The following COL13A1 variants were observed in gnomAD, a reference collection of about 807,000 sequenced individuals.
COL13A1 encodes collagen alpha-1(XIII) chain.
COL13A1 carries 89 observed loss-of-function variants against 130.9 expected under a neutral mutation model. That is an observed-to-expected ratio of 0.68 (90% CI 0.57 to 0.81). The LOEUF is 0.81. Ranked by LOEUF, COL13A1 falls within the 30% of genes least tolerant of loss-of-function variation. The pLI is 0.00. For synonymous variants in COL13A1, 402 were observed against 341.6 expected, an observed-to-expected ratio of 1.18 and a Z score of -1.95; for missense variants, 879 against 934.6, an observed-to-expected ratio of 0.94 and a Z score of 0.78.
rs528307100 is a variant in COL13A1, at chr10:69,802,561, G to T, written c.138G>T (p.Gly46=). Residue 46 remains glycine (G), a synonymous_variant, in exon 1 of 41, where the codon GGG becomes GGT. Coordinates refer to ENST00000645393, the MANE Select transcript of COL13A1 (RefSeq NM_001368882.1). ...GGCTGCCGAGTCCAGGGTCGTGCGG[G>T]CTGCTGACGCTGGCCCTCTGCTCGC... ...GARLPSPGSC[G]LLTLALCSLA... 1.2e-6 allele frequency: 2 copies of T among 1,609,648 alleles called. No homozygotes were observed. Among genetic ancestry groups the T allele is most frequent in the Non-Finnish European group, 1.7e-6 (2 of 1,178,174 alleles).
intron 14 of COL13A1, among the ~76,000 whole-genome samples, chr10:69,902,177 T>C (rs1290421814): frequency 6.6e-6 from 1 of 152,226 alleles, no homozygotes; most frequent in Non-Finnish European, 1.5e-5. Context: ...TCAAATTTTA[T>C]ATGTAAAGTC....
chr10:69,900,231 G>A (rs535915253), intron 14 of COL13A1, among the ~76,000 whole-genome samples: 23 of 152,246 alleles, frequency 1.5e-4, no homozygotes, highest in Admixed American at 1.1e-3. Context: ...CCCCAACAGC[G>A]ACCTCCCAGC....
rs376959123 is a variant in COL13A1 at position 69,885,071 on chromosome 10, T to C, written c.514-2385T>C. 5.3e-5 allele frequency among the ~76,000 whole-genome samples: 8 copies of C among 152,326 alleles called. No homozygotes were observed. In the South Asian group the frequency reaches 1.7e-3, roughly 32 times the overall value. On this transcript the variant is annotated intron_variant, in intron 7 of 40. Transcript: ENST00000645393. ...GAATAAATTCCAACGAGCGAAATAC[T>C]TAGATATAAAACCTGAAACTGTAAA...
intron 17 of COL13A1, among the ~76,000 whole-genome samples, chr10:69,915,721 G>A (rs987562074): frequency 6.6e-6 from 1 of 152,244 alleles, no homozygotes; most frequent in African/African-American, 2.4e-5. Flanking sequence ...GCAGGAGTCA[G>A]TGTGCGAGGG....
At chr10:69,952,734 C>A in intron 38 of COL13A1, 148 bp from the exon 39 acceptor site, 1 of 577,434 alleles carries the variant, frequency 1.7e-6, no homozygotes, top group Non-Finnish European at 2.8e-6. Context: ...TGGGTATTGA[C>A]TCCAAATCCT....
intron 2 of COL13A1, among the ~76,000 whole-genome samples, chr10:69,827,922 TG>T (rs1847892374): frequency 6.6e-6 from 1 of 152,198 alleles, no homozygotes; most frequent in African/African-American, 2.4e-5. Flanking sequence ...CGCTTCTTTG[TG>T]GTCCTTCTTA....
chr10:69,843,781 T>C (rs1033772686), intron 2 of COL13A1, among the ~76,000 whole-genome samples: 1 of 152,194 alleles, frequency 6.6e-6, no homozygotes, highest in African/African-American at 2.4e-5. Context: ...TGAAGTCCAT[T>C]TGCTTCTGTG....
At chr10:69,940,678 G>A (rs2067497561) in intron 34 of COL13A1, among the ~76,000 whole-genome samples, 1 of 152,146 alleles carries the variant, frequency 6.6e-6, no homozygotes, top group Admixed American at 6.5e-5. Context: ...AAGGGAGAGG[G>A]GTTTCTGAGA....
chr10:69,924,276 T>G (rs1470711234), intron 24 of COL13A1, among the ~76,000 whole-genome samples: 5 of 152,176 alleles, frequency 3.3e-5, no homozygotes, highest in Non-Finnish European at 7.3e-5. Flanking sequence ...CACCAAAGTG[T>G]TCCTGTTTCC....
intron 4 of COL13A1, 65 bp downstream of exon 4, chr10:69,872,275 T>C (rs2059149624): frequency 1.3e-6 from 2 of 1,589,438 alleles, no homozygotes; most frequent in Non-Finnish European, 1.7e-6. Flanking sequence ...GTCTGAGGAC[T>C]GGCTAGGTTG....
At chr10:69,920,468 C>G (rs2064502416) in intron 21 of COL13A1, among the ~76,000 whole-genome samples, 1 of 152,192 alleles carries the variant, frequency 6.6e-6, no homozygotes, top group African/African-American at 2.4e-5. Flanking sequence ...GCCCTCACCT[C>G]CAGTGTGGCT....
In COL13A1 at chr10:69,923,836, C is replaced by A. The variant is rs1356079570; in HGVS notation, c.1265C>A (p.Pro422Gln). ...EAGVDGQVGP[P>Q]GQPGDKGERG... Reference sequence around the variant, plus strand: ...GGTGTCGATGGCCAGGTTGGCCCCCCAGGGCAGCCAGGAGACAAGGTACAG... The same window carrying A: ...GGTGTCGATGGCCAGGTTGGCCCCCAAGGGCAGCCAGGAGACAAGGTACAG... The change falls in exon 24 of 41, where the codon CCA (proline) becomes CAA (glutamine). Residue 422 changes from proline to glutamine, a missense_variant. Transcript: ENST00000645393. 2.5e-6 allele frequency: 4 copies of A among 1,611,806 alleles called. No homozygotes were observed. The highest frequency in any genetic ancestry group is 1.1e-5 in the South Asian group (1 of 90,290).
chr10:69,937,882 C>T lies in COL13A1; in HGVS notation c.1878+167C>T, dbSNP rs1352756915. 5.9e-5 allele frequency among the ~76,000 whole-genome samples: 9 copies of T among 152,212 alleles called. No homozygotes were observed. The East Asian group carries it at 1.2e-3, about 20-fold the overall frequency. ...AAGACCACAGGCTCTGATTCTCTTC[C>T]TCCTCTGGGCCCAGGCCCCACCTTG... On this transcript the variant is annotated intron_variant, in intron 34 of 40. Transcript: ENST00000645393.
chr10:69,917,340 C>A lies in COL13A1; in HGVS notation c.966+7C>A, dbSNP rs1230805979. 1 of 1,612,626 alleles carries A rather than the reference C, an allele frequency of 6.2e-7. No homozygotes were observed. Among genetic ancestry groups the A allele is most frequent in the Non-Finnish European group, 8.5e-7 (1 of 1,179,348 alleles). On this transcript the variant is annotated splice_region_variant and intron_variant, in intron 18 of 40. Transcript: ENST00000645393. ...AGGCAAGCATGGAGCCAAGGTACCTCCCCCTTCCCCACATCCCAGGCAGCC... is the reference window on the plus strand; with the variant it reads ...AGGCAAGCATGGAGCCAAGGTACCTACCCCTTCCCCACATCCCAGGCAGCC...
At chr10:69,843,761 A>G (rs1230593457) in intron 2 of COL13A1, among the ~76,000 whole-genome samples, 1 of 152,168 alleles carries the variant, frequency 6.6e-6, no homozygotes, top group African/African-American at 2.4e-5. Flanking sequence ...GATGGTGGTC[A>G]TGGGGTTGGT....
chr10:69,903,944 T>C (rs1366529777), intron 15 of COL13A1, among the ~76,000 whole-genome samples: 1 of 152,194 alleles, frequency 6.6e-6, no homozygotes, highest in East Asian at 1.9e-4. Flanking sequence ...AGGGTCTTCC[T>C]GGGCCGGGCC....
At position 69,942,838 on chromosome 10, in the gene COL13A1, T is replaced by A. The variant is rs574496286; in HGVS notation, c.1915-1287T>A. Among the ~76,000 whole-genome samples the A allele has an allele frequency of 2.0e-5, 3 of 152,282 alleles. No individual in the cohort carries two copies. In the East Asian group the frequency reaches 5.8e-4, roughly 29 times the overall value. On this transcript the variant is annotated intron_variant, in intron 35 of 40. Coordinates refer to ENST00000645393, the MANE Select transcript of COL13A1 (RefSeq NM_001368882.1). ...ACTCCGTGGCGCTGTGCCCAACCAC[T>A]GGCCCGAGCTGACTCCTTATTGTTT... is the stretch of plus-strand genomic sequence containing the variant.
At chr10:69,929,413 T>A (rs1191280545) in intron 28 of COL13A1, among the ~76,000 whole-genome samples, 1 of 152,018 alleles carries the variant, frequency 6.6e-6, no homozygotes, top group Non-Finnish European at 1.5e-5. Context: ...TGTCTCCCAC[T>A]CATGAGGTCC....
chr10:69,886,602 G>T (rs549075586), intron 7 of COL13A1, among the ~76,000 whole-genome samples: 1 of 152,308 alleles, frequency 6.6e-6, no homozygotes, highest in Admixed American at 6.5e-5. Flanking sequence ...GGATGGCCTT[G>T]AACATGGTAG....
Sources: gnomAD v4.1 joint callset for allele counts (sites outside exome capture counted in the v4.1 genomes callset) on GRCh38, gnomAD v4.1.1 for gene constraint, MANE v1.5 for transcripts, NCBI Gene and HGNC (gene_info 2026-07-23, HGNC 2026-07-21) for gene names.